Variants in ITGBL1 observed in about 807,000 individuals in gnomAD.
The protein encoded by ITGBL1 is integrin beta-like protein 1.
Under a neutral mutation model 68.5 loss-of-function variants are expected in ITGBL1, and 51 were observed. The ratio of observed to expected loss-of-function variants is 0.74; its 90% CI spans 0.59 to 0.94. The LOEUF (loss-of-function observed/expected upper bound fraction) is 0.94. ITGBL1 is among the 40% of genes least tolerant of loss of function. The pLI, the probability that ITGBL1 is intolerant of heterozygous loss-of-function variation, is 0.00. For synonymous variants in ITGBL1, 209 were observed against 227.3 expected (o/e 0.92, Z 0.72); for missense variants, 649 against 647.4 (o/e 1.00, Z -0.03).
intron 7 of ITGBL1, among the ~76,000 whole-genome samples, chr13:101,682,060 A>G (rs2139529321): frequency 6.6e-6 from 1 of 152,308 alleles, no homozygotes; most frequent in South Asian, 2.1e-4. Flanking sequence ...TCATCCATGA[A>G]TGTTTAACTA....
chr13:101,671,817 T>C (rs907142493), intron 7 of ITGBL1, among the ~76,000 whole-genome samples: 6 of 152,214 alleles, frequency 3.9e-5, no homozygotes, highest in African/African-American at 1.4e-4. Flanking sequence ...AGAAACTACA[T>C]GAGTATTCTT....
intron 2 of ITGBL1, among the ~76,000 whole-genome samples, chr13:101,500,041 C>G (rs1443182917): frequency 6.6e-6 from 1 of 152,160 alleles, no homozygotes; most frequent in African/African-American, 2.4e-5. Flanking sequence ...TATCTTCCAC[C>G]ATCAGTTTGT....
At chr13:101,697,450 T>C (rs867124021) in intron 8 of ITGBL1, among the ~76,000 whole-genome samples, 1 of 152,234 alleles carries the variant, frequency 6.6e-6, no homozygotes, top group Non-Finnish European at 1.5e-5. Flanking sequence ...CCTCAGTTGC[T>C]TTAATGTACA....
chr13:101,570,193 A>G (rs1339454503), intron 3 of ITGBL1, among the ~76,000 whole-genome samples: 5 of 152,092 alleles, frequency 3.3e-5, no homozygotes, highest in Non-Finnish European at 5.9e-5. Flanking sequence ...TTATTATTTC[A>G]TTGATTTGTT....
At chr13:101,652,836 G>A (rs144031122) in intron 7 of ITGBL1, among the ~76,000 whole-genome samples, 1,910 of 152,204 alleles carry the variant, frequency 0.013, 46 homozygotes, top group African/African-American at 0.044. Context: ...GGTGGCTCGT[G>A]CCTGTAATCC....
chr13:101,650,684 T>C (rs1007263717), intron 7 of ITGBL1, among the ~76,000 whole-genome samples: 3 of 151,746 alleles, frequency 2.0e-5, no homozygotes, highest in Non-Finnish European at 4.4e-5. Context: ...GCAGGTTTGT[T>C]ACATAGGTAA....
intron 8 of ITGBL1, among the ~76,000 whole-genome samples, chr13:101,702,222 C>T (rs1245263613): frequency 3.9e-5 from 6 of 152,056 alleles, no homozygotes; most frequent in Non-Finnish European, 8.8e-5. Context: ...TCTTAATTTT[C>T]ATATTGAACA....
chr13:101,633,647 G>T (rs2032066688), intron 7 of ITGBL1, among the ~76,000 whole-genome samples: 1 of 152,176 alleles, frequency 6.6e-6, no homozygotes, highest in Non-Finnish European at 1.5e-5. Context: ...GCACGTCACA[G>T]ATAGTGACTG....
intron 2 of ITGBL1, among the ~76,000 whole-genome samples, chr13:101,550,257 C>T (rs956725041): frequency 2.0e-5 from 3 of 152,130 alleles, no homozygotes; most frequent in African/African-American, 7.2e-5. Flanking sequence ...GGAAGACAGA[C>T]ATGGTGCCTG....
chr13:101,523,936 C>T (rs1372835851), intron 2 of ITGBL1, among the ~76,000 whole-genome samples: 2 of 152,018 alleles, frequency 1.3e-5, no homozygotes, highest in South Asian at 2.1e-4. Flanking sequence ...ACTCACTGCT[C>T]CTCAGACCAC....
At chr13:101,600,498 G>A (rs1165828979) in intron 7 of ITGBL1, among the ~76,000 whole-genome samples, 27 of 149,284 alleles carry the variant, frequency 1.8e-4, no homozygotes, top group East Asian at 1.6e-3. Flanking sequence ...GTGAGAGAGG[G>A]CATCCCTGTC....
intron 7 of ITGBL1, among the ~76,000 whole-genome samples, chr13:101,662,929 A>G (rs1189469608): frequency 6.6e-6 from 1 of 152,082 alleles, no homozygotes; most frequent in African/African-American, 2.4e-5. Flanking sequence ...GATATAATTT[A>G]CAAATCTAAT....
intron 2 of ITGBL1, among the ~76,000 whole-genome samples, chr13:101,548,795 A>G (rs1403578268): frequency 6.6e-6 from 1 of 151,788 alleles, no homozygotes; most frequent in Admixed American, 6.6e-5. Context: ...GAAATTGACA[A>G]ACTGTTTCTA....
chr13:101,479,355 C>A (rs1028239973), intron 2 of ITGBL1, among the ~76,000 whole-genome samples: 16 of 152,122 alleles, frequency 1.1e-4, no homozygotes, highest in African/African-American at 3.6e-4. Context: ...TAGGAAACTA[C>A]TAAAAGAAAC....
intron 7 of ITGBL1, among the ~76,000 whole-genome samples, chr13:101,667,226 G>T (rs2033242600): frequency 6.6e-6 from 1 of 152,088 alleles, no homozygotes; most frequent in Non-Finnish European, 1.5e-5. Flanking sequence ...TTCCAAGCTT[G>T]TTTTTCTCAG....
intron 2 of ITGBL1, among the ~76,000 whole-genome samples, chr13:101,556,233 C>A (rs895523846): frequency 6.6e-6 from 1 of 152,146 alleles, no homozygotes; most frequent in Non-Finnish European, 1.5e-5. Context: ...CCCAGTACCT[C>A]AGGATGTGAT....
rs143605659 is a variant in ITGBL1 at position 101,501,939 on chromosome 13, G to A, written c.316+47839G>A. 9.8e-3 allele frequency among the ~76,000 whole-genome samples: 1,487 copies of A among 152,236 alleles called. 25 individuals are homozygous for A. Among genetic ancestry groups the A allele is most frequent in the African/African-American group, 0.034 (1,411 of 41,552 alleles). The stretch of plus-strand genomic sequence containing the variant: ...AGATGGAGAAATTGGGGACCAGAAG[G>A]TTGAATGTAAGCCAGTTCCTTTTCC... On this transcript the variant is annotated intron_variant, in intron 2 of 10. Coordinates refer to ENST00000376180, the MANE Select transcript of ITGBL1 (RefSeq NM_004791.3).
intron 7 of ITGBL1, among the ~76,000 whole-genome samples, chr13:101,629,125 G>A (rs1257191969): frequency 3.3e-5 from 5 of 152,030 alleles, no homozygotes; most frequent in Non-Finnish European, 4.4e-5. Flanking sequence ...CTACCATGCC[G>A]TTTTTCTATA....
rs182974993 is a variant in ITGBL1 at position 101,489,943 on chromosome 13, T to A, written c.316+35843T>A. 2.0e-3 allele frequency: 2,996 copies of A among 1,497,914 alleles called. 13 individuals are homozygous for A. The highest frequency in any genetic ancestry group is 7.9e-3 in the South Asian group (658 of 83,166). The allele number at this position is 1,497,914 out of a possible 1,614,324, so 92.8% of individuals were successfully genotyped here. A position where few individuals can be genotyped will look rare whatever the true frequency, so the allele number is the denominator to read the frequency against. On this transcript the variant is annotated intron_variant, in intron 2 of 10. Coordinates refer to ENST00000376180, the MANE Select transcript of ITGBL1 (RefSeq NM_004791.3). ...TTAGAACAAGCAGAAAACAAAATAT[T>A]TTTACTTTAAACTTTGTCTCATGAA...
Sources: gnomAD v4.1 joint callset for allele counts (sites outside exome capture counted in the v4.1 genomes callset) on GRCh38, gnomAD v4.1.1 for gene constraint, MANE v1.5 for transcripts, NCBI Gene and HGNC (gene_info 2026-07-23, HGNC 2026-07-21) for gene names.